The following DOCK7 variants were observed in gnomAD, a reference collection of about 807,000 sequenced individuals.
DOCK7 encodes the protein dedicator of cytokinesis 7.
DOCK7 carries 138 observed loss-of-function variants against 271.0 expected under a neutral mutation model. The ratio of observed to expected loss-of-function variants is 0.51; its 90% CI spans 0.44 to 0.59. The LOEUF (loss-of-function observed/expected upper bound fraction) is 0.59. Ranked by LOEUF, DOCK7 falls within the 20% of genes least tolerant of loss-of-function variation. The pLI is 0.00. For synonymous variants in DOCK7, 823 were observed against 876.1 expected (o/e 0.94, Z 1.07); for missense variants, 2,066 against 2,592.4 (o/e 0.80, Z 4.41).
intron 1 of DOCK7, among the ~76,000 whole-genome samples, chr1:62,674,975 T>C (rs1660386627): frequency 6.6e-6 from 1 of 152,146 alleles, no homozygotes; most frequent in South Asian, 2.1e-4. Context: ...TTGAAAACCT[T>C]TGTGCTTCAA....
intron 18 of DOCK7, among the ~76,000 whole-genome samples, chr1:62,562,048 C>T (rs1476216197): frequency 1.3e-5 from 2 of 149,746 alleles, no homozygotes; most frequent in South Asian, 4.2e-4. Flanking sequence ...ATACTTAACA[C>T]CAAACATTAT....
At chr1:62,640,492 A>G (rs1655881014) in intron 7 of DOCK7, among the ~76,000 whole-genome samples, 1 of 135,252 alleles carries the variant, frequency 7.4e-6, no homozygotes, top group African/African-American at 2.9e-5. Context: ...ATTGCACTCC[A>G]GCCTGGCAAC....
At chr1:62,651,299 GT>G (rs1399990640) in intron 4 of DOCK7, among the ~76,000 whole-genome samples, 2 of 123,658 alleles carry the variant, frequency 1.6e-5, no homozygotes, top group Non-Finnish European at 3.3e-5. Context: ...CTGTTGTGGG[GT>G]GGGGGGAGGG....
At chr1:62,558,898 G>T in intron 20 of DOCK7, 91 bp downstream of exon 20, 1 of 1,056,828 alleles carries the variant, frequency 9.5e-7, no homozygotes, top group Non-Finnish European at 1.4e-6. Flanking sequence ...CTTATATATA[G>T]CAAATAGAAA....
At chr1:62,642,269 C>T (rs930987344) in intron 7 of DOCK7, among the ~76,000 whole-genome samples, 2 of 151,690 alleles carry the variant, frequency 1.3e-5, no homozygotes, top group Admixed American at 6.6e-5. Flanking sequence ...CCAACATGCC[C>T]GGCTAATTTT....
At chr1:62,508,184 A>G (rs1228206512) in intron 34 of DOCK7, 126 bp from the exon 35 acceptor site, 2 of 849,364 alleles carry the variant, frequency 2.4e-6, no homozygotes, top group Non-Finnish European at 3.4e-6. Flanking sequence ...AAAAAATTAC[A>G]AGAGAATAAG....
chr1:62,652,943 C>T (rs886969939), intron 4 of DOCK7, among the ~76,000 whole-genome samples: 2 of 152,098 alleles, frequency 1.3e-5, no homozygotes, highest in African/African-American at 2.4e-5. Context: ...CAATGTAAAG[C>T]CTAGTGAAAT....
chr1:62,466,530 T>C (rs974169633), intron 48 of DOCK7, among the ~76,000 whole-genome samples: 1 of 152,232 alleles, frequency 6.6e-6, no homozygotes, highest in African/African-American at 2.4e-5. Flanking sequence ...ATTTTATTAG[T>C]TAAGGGAATG....
At chr1:62,629,215 T>C (rs954748974) in intron 11 of DOCK7, 3 of 152,194 alleles carry the variant, frequency 2.0e-5, no homozygotes, top group African/African-American at 7.2e-5. Context: ...AATTATCATA[T>C]GACCCAGCAA....
chr1:62,602,407 T>A (rs773666875), intron 14 of DOCK7: 2 of 1,583,050 alleles, frequency 1.3e-6, no homozygotes, highest in South Asian at 2.2e-5. Context: ...CAATCATTCA[T>A]TCACTTGCTA....
chr1:62,659,153 C>T (rs532017035), intron 2 of DOCK7, among the ~76,000 whole-genome samples: 2 of 152,172 alleles, frequency 1.3e-5, no homozygotes, highest in African/African-American at 4.8e-5. Flanking sequence ...AAACACAGCA[C>T]GAGCAAAAAA....
chr1:62,619,842 T>A, intron 13 of DOCK7, 58 bp downstream of exon 13: 1 of 1,087,822 alleles, frequency 9.2e-7, no homozygotes, highest in Non-Finnish European at 1.4e-6. Flanking sequence ...TTATAAGCAA[T>A]ACAACATAGT....
At chr1:62,677,866 C>G (rs2149763668) in intron 1 of DOCK7, among the ~76,000 whole-genome samples, 1 of 152,356 alleles carries the variant, frequency 6.6e-6, no homozygotes, top group Middle Eastern at 3.4e-3. Flanking sequence ...CACAGAGGCT[C>G]ATGCCTGTAA....
chr1:62,611,338 G>T (rs1251928572), intron 14 of DOCK7, among the ~76,000 whole-genome samples: 1 of 152,134 alleles, frequency 6.6e-6, no homozygotes, highest in Non-Finnish European at 1.5e-5. Context: ...CTTAAGACCA[G>T]AAGTCTTTCA....
chr1:62,598,382 A>T (rs2149527307), intron 14 of DOCK7, among the ~76,000 whole-genome samples: 1 of 152,162 alleles, frequency 6.6e-6, no homozygotes, highest in Non-Finnish European at 1.5e-5. Context: ...AAAAAATTTA[A>T]AACTATTCTC....
chr1:62,587,580 A>C (rs914475662), intron 14 of DOCK7, among the ~76,000 whole-genome samples: 4 of 152,182 alleles, frequency 2.6e-5, no homozygotes, highest in Non-Finnish European at 4.4e-5. Flanking sequence ...TTTTGATAAG[A>C]GAATGATTAC....
intron 18 of DOCK7, among the ~76,000 whole-genome samples, chr1:62,573,103 G>A (rs1646836496): frequency 6.6e-6 from 1 of 152,164 alleles, no homozygotes; most frequent in African/African-American, 2.4e-5. Flanking sequence ...GTAGCATGGA[G>A]GAGGGAAAGG....
At chr1:62,646,025 T>C (rs994307984) in intron 7 of DOCK7, among the ~76,000 whole-genome samples, 7 of 151,948 alleles carry the variant, frequency 4.6e-5, no homozygotes, top group African/African-American at 1.7e-4. Flanking sequence ...CATGCACCTG[T>C]AATCCCAGCT....
chr1:62,665,840 G>C (rs983594426), intron 1 of DOCK7, among the ~76,000 whole-genome samples: 1 of 151,328 alleles, frequency 6.6e-6, no homozygotes, highest in African/African-American at 2.4e-5. Context: ...TGAGTAAACT[G>C]AATAGTAAAC....
Sources: allele counts gnomAD v4.1 joint callset (sites outside exome capture counted in the v4.1 genomes callset), GRCh38; gene constraint gnomAD v4.1.1; transcripts MANE v1.5; gene names NCBI Gene and HGNC (gene_info 2026-07-23, HGNC 2026-07-21).